Variants in ZNF487 observed in about 807,000 individuals in gnomAD.
ZNF487 encodes the protein KRAB domain only 1.
Under a neutral mutation model 3.0 loss-of-function variants are expected in ZNF487, and 4 were observed. The ratio of observed to expected loss-of-function variants is 1.35; its 90% CI spans 0.66 to 3.08. The LOEUF is 3.08. Ranked by LOEUF, ZNF487 falls within the 30% of genes most tolerant of loss-of-function variation. The pLI is 0.01. For synonymous variants in ZNF487, 55 were observed against 34.6 expected (o/e 1.59, Z -2.06); for missense variants, 146 against 98.7 (o/e 1.48, Z -2.03).
chr10:43,493,892 G>A, the ZNF487 span, among the ~76,000 whole-genome samples: 11 of 151,102 alleles, frequency 7.3e-5, no homozygotes, highest in African/African-American at 9.7e-5. Flanking sequence ...TAGGCCAGGC[G>A]CGTTGGCTCA....
chr10:43,522,250 C>A, the ZNF487 span, among the ~76,000 whole-genome samples: 1 of 152,218 alleles, frequency 6.6e-6, no homozygotes, highest in Non-Finnish European at 1.5e-5. Flanking sequence ...GGCAAAGTGG[C>A]TCATGCCTGT....
chr10:43,474,353 C>G (rs1240102522), intron 1 of ZNF487, among the ~76,000 whole-genome samples: 1 of 151,792 alleles, frequency 6.6e-6, no homozygotes, highest in East Asian at 2.0e-4. Context: ...ACTCAGGAGG[C>G]TGAAGCAGGA....
intron 1 of ZNF487, among the ~76,000 whole-genome samples, chr10:43,454,973 C>T (rs576725802): frequency 2.8e-5 from 4 of 140,374 alleles, no homozygotes; most frequent in African/African-American, 7.8e-5. Flanking sequence ...TTAAGGGATA[C>T]GAGGCTGTGT....
chr10:43,522,597 G>T, the ZNF487 span, among the ~76,000 whole-genome samples: 1 of 152,026 alleles, frequency 6.6e-6, no homozygotes, highest in African/African-American at 2.4e-5. Flanking sequence ...AGCCAGGCAC[G>T]GTGGCGGGTG....
At position 43,441,455 on chromosome 10, in the gene ZNF487, C is replaced by T. The variant is rs181009410; in HGVS notation, c.-94+4193C>T. 1.5e-3 allele frequency among the ~76,000 whole-genome samples: 224 copies of T among 152,106 alleles called. 1 individual carries two copies. Among genetic ancestry groups the T allele is most frequent in the Middle Eastern group, 3.4e-3 (1 of 294 alleles). On this transcript the variant is annotated intron_variant, in intron 1 of 3. Coordinates refer to ENST00000437590, the MANE Select transcript of ZNF487 (RefSeq NM_001355444.3). ...TAATTTTTTGTATTTTTAGTAGAGA[C>T]GGGGTTTCACCTTGTTGGTCAGGTT...
At chr10:43,498,735 G>A in the ZNF487 span, among the ~76,000 whole-genome samples, 1 of 151,866 alleles carries the variant, frequency 6.6e-6, no homozygotes, top group Non-Finnish European at 1.5e-5. Flanking sequence ...GAGGTCAGGA[G>A]ATTGAGACCA....
chr10:43,485,809 C>G (rs148176950), downstream of ZNF487, among the ~76,000 whole-genome samples: 15 of 152,322 alleles, frequency 9.8e-5, no homozygotes, highest in African/African-American at 3.6e-4. Flanking sequence ...TCTGGTGTTG[C>G]TGCTTGATAC....
the ZNF487 span, among the ~76,000 whole-genome samples, chr10:43,514,536 T>G: frequency 6.6e-6 from 1 of 152,196 alleles, no homozygotes; most frequent in African/African-American, 2.4e-5. Context: ...AGGCTTCCTA[T>G]CACTTTCACT....
In ZNF487 at chr10:43,483,058, T is replaced by C; in HGVS notation, c.*1136T>C. 1 of 459,624 alleles carries C rather than the reference T, an allele frequency of 2.2e-6. No homozygotes were observed. The highest frequency in any genetic ancestry group is 4.4e-6 in the Non-Finnish European group (1 of 228,154). The allele number at this position is 459,624 out of a possible 1,614,324, so 28.5% of individuals were successfully genotyped here. On this transcript the variant is annotated 3_prime_UTR_variant, in exon 4 of 4. Transcript: ENST00000437590. ...TTCACTAAATGTCAGAGAGACAACA[T>C]AGAGGAAACCCTTGTCAACATCCTG...
intron 1 of ZNF487, among the ~76,000 whole-genome samples, chr10:43,448,851 C>T (rs1245982204): frequency 1.3e-5 from 2 of 151,920 alleles, no homozygotes; most frequent in African/African-American, 4.8e-5. Flanking sequence ...AAAAAATGAG[C>T]TGGGCATTGT....
At chr10:43,515,799 G>A in the ZNF487 span, among the ~76,000 whole-genome samples, 5 of 151,716 alleles carry the variant, frequency 3.3e-5, no homozygotes, top group Non-Finnish European at 7.4e-5. Flanking sequence ...TTTTTTTGAC[G>A]GAGTCTCGCT....
intron 1 of ZNF487, chr10:43,453,586 T>C (rs1007943739): frequency 6.6e-6 from 1 of 152,166 alleles, no homozygotes; most frequent in African/African-American, 2.4e-5. Context: ...CACAACAGTA[T>C]ATATCACTGG....
chr10:43,511,924 A>G, the ZNF487 span, among the ~76,000 whole-genome samples: 5 of 152,184 alleles, frequency 3.3e-5, no homozygotes, highest in Non-Finnish European at 5.9e-5. Context: ...TTTGTCACCA[A>G]TTTTCCAGTA....
At chr10:43,483,524 G>A (rs981895941), downstream of ZNF487, among the ~76,000 whole-genome samples, 2 of 79,544 alleles carry the variant, frequency 2.5e-5, no homozygotes, top group African/African-American at 1.0e-4. Flanking sequence ...CAGCCACCAT[G>A]CCCAGCCCTT....
At chr10:43,504,005 A>G in the ZNF487 span, among the ~76,000 whole-genome samples, 1 of 152,232 alleles carries the variant, frequency 6.6e-6, no homozygotes, top group Non-Finnish European at 1.5e-5. Context: ...TATTCAGTAT[A>G]GTCACATGCT....
At chr10:43,508,637 C>T in the ZNF487 span, among the ~76,000 whole-genome samples, 42 of 151,772 alleles carry the variant, frequency 2.8e-4, no homozygotes, top group African/African-American at 7.7e-4. Context: ...GGCAAAATCC[C>T]GTCTCTACTA....
In ZNF487 at chr10:43,475,843, A is replaced by AG. The variant is rs1272972494; in HGVS notation, c.31dup (p.Val11GlyfsTer39). 2.6e-6 allele frequency: 2 copies of AG among 776,680 alleles called. No homozygotes were observed. The highest frequency in any genetic ancestry group is 1.7e-5 in the African/African-American group (1 of 59,130). 48.1% of individuals were successfully genotyped at this position (776,680 alleles called of 1,614,324 possible). A position where few individuals can be genotyped will look rare whatever the true frequency, so the allele number is the denominator to read the frequency against. On this transcript the variant is annotated frameshift_variant, in exon 2 of 4. Transcript: ENST00000437590. LOFTEE classifies it high-confidence loss of function. Reference sequence around the variant, plus strand: ...TGGAGAACTACAGCCTCCTCCTCTCAGTGGGTAAGGATTATGTAATTTGCA... The same window carrying AG: ...TGGAGAACTACAGCCTCCTCCTCTCAGGTGGGTAAGGATTATGTAATTTGCA...
chr10:43,479,991 C>CT (rs1190624198), intron 3 of ZNF487, among the ~76,000 whole-genome samples: 1 of 65,680 alleles, frequency 1.5e-5, no homozygotes, highest in African/African-American at 3.6e-5. Flanking sequence ...TTCCTTCTTT[C>CT]TTTCTTTCTT....
chr10:43,523,825 G>T, the ZNF487 span: 1 of 152,128 alleles, frequency 6.6e-6, no homozygotes, highest in African/African-American at 2.4e-5. Flanking sequence ...GAGTTTAATT[G>T]CTGTGGGAGG....
Sources: allele counts gnomAD v4.1 joint callset (sites outside exome capture counted in the v4.1 genomes callset), GRCh38; gene constraint gnomAD v4.1.1; transcripts MANE v1.5; gene names NCBI Gene and HGNC (gene_info 2026-07-23, HGNC 2026-07-21).